NEO1: variants seen among roughly 807,000 people sequenced by gnomAD.
NEO1 encodes the protein neogenin.
In NEO1, 63 loss-of-function variants were observed where a neutral mutation model predicts 159.7. That is an observed-to-expected ratio of 0.39 (90% CI 0.32 to 0.49). The LOEUF (loss-of-function observed/expected upper bound fraction) is 0.49, where lower values mean the gene tolerates loss of function less well. Ranked by LOEUF, NEO1 falls within the 20% of genes least tolerant of loss-of-function variation. The pLI, the probability that NEO1 is intolerant of heterozygous loss-of-function variation, is 0.85. For missense variants in NEO1, 1,615 were observed against 1,831.0 expected (o/e 0.88, Z 2.15); for synonymous variants, 633 against 662.0 (o/e 0.96, Z 0.67).
chr15:73,296,233 C>A (rs936578440), intron 26 of NEO1, among the ~76,000 whole-genome samples: 2 of 152,180 alleles, frequency 1.3e-5, no homozygotes, highest in Non-Finnish European at 2.9e-5. Context: ...TCTGTCAGTA[C>A]AGGCTGACAT....
intron 15 of NEO1, among the ~76,000 whole-genome samples, chr15:73,260,933 C>G (rs1049388474): frequency 2.0e-5 from 3 of 152,068 alleles, no homozygotes; most frequent in Admixed American, 2.0e-4. Flanking sequence ...ACTTTCACTC[C>G]CTAGTTTCAG....
intron 7 of NEO1, among the ~76,000 whole-genome samples, chr15:73,185,340 G>A (rs777560436): frequency 5.9e-5 from 9 of 152,166 alleles, no homozygotes; most frequent in Admixed American, 2.6e-4. Flanking sequence ...CCACTTTAGT[G>A]GGGGATGTTG....
Position 73,303,060 on chromosome 15 carries a change from G to T in NEO1, c.*364G>T. ...ATCACCTTTATGGAGTGTAGACATTGGCATTTATGTACAATTTTATTTGTG... is the reference window on the plus strand; with the variant it reads ...ATCACCTTTATGGAGTGTAGACATTTGCATTTATGTACAATTTTATTTGTG... On this transcript the variant is annotated 3_prime_UTR_variant, in exon 29 of 29. Transcript: ENST00000261908. The T allele has an allele frequency of 5.7e-6, 1 of 175,076 alleles. No individual in the cohort carries two copies. Among genetic ancestry groups the T allele is most frequent in the East Asian group, 1.5e-4 (1 of 6,856 alleles). 10.8% of individuals were successfully genotyped at this position (175,076 alleles called of 1,614,324 possible).
intron 8 of NEO1, among the ~76,000 whole-genome samples, chr15:73,240,881 A>C (rs145808262): frequency 1.3e-5 from 2 of 152,356 alleles, no homozygotes; most frequent in Non-Finnish European, 2.9e-5. Flanking sequence ...AAGTCGTAAG[A>C]CTATATCCTG....
chr15:73,137,748 C>T (rs762245540), intron 5 of NEO1, among the ~76,000 whole-genome samples: 4 of 152,192 alleles, frequency 2.6e-5, no homozygotes, highest in East Asian at 1.9e-4. Flanking sequence ...CCACCCGCCT[C>T]GGCCTCCCAA....
At chr15:73,287,535 T>C (rs1478197930) in intron 23 of NEO1, among the ~76,000 whole-genome samples, 1 of 152,158 alleles carries the variant, frequency 6.6e-6, no homozygotes, top group Non-Finnish European at 1.5e-5. Flanking sequence ...AAGTAGACAT[T>C]GTTGTCCCCA....
intron 16 of NEO1, among the ~76,000 whole-genome samples, chr15:73,268,161 T>A (rs533830798): frequency 6.6e-6 from 1 of 152,356 alleles, no homozygotes; most frequent in South Asian, 2.1e-4. Flanking sequence ...CTGTCTTCTA[T>A]ATGCTTACAG....
chr15:73,058,433 C>A (rs950363230), intron 1 of NEO1, among the ~76,000 whole-genome samples: 1 of 152,148 alleles, frequency 6.6e-6, no homozygotes, highest in African/African-American at 2.4e-5. Context: ...GTTCTTTATT[C>A]CTCTGCATTC....
chr15:73,270,259 A>G lies in NEO1; in HGVS notation c.2718+26A>G, dbSNP rs2041109612. 7 of 1,613,670 alleles carry G rather than the reference A, an allele frequency of 4.3e-6. No individual in the cohort carries two copies. The Admixed American group carries it at 8.3e-5, about 19-fold the overall frequency. The stretch of plus-strand genomic sequence containing the variant: ...GTACTGACACATTTGCCCTGGCTGA[A>G]AAAAGCTAATCATTGATACTTTCTA... On this transcript the variant is annotated intron_variant, in intron 17 of 28. Coordinates refer to ENST00000261908, the MANE Select transcript of NEO1 (RefSeq NM_002499.4).
At chr15:73,266,179 C>A (rs1328301193) in intron 15 of NEO1, 137 bp from the exon 16 acceptor site, 12 of 628,226 alleles carry the variant, frequency 1.9e-5, no homozygotes, top group African/African-American at 1.8e-4. Context: ...CTCCCTACAA[C>A]CTGAAATAAT....
In NEO1 at chr15:73,216,759, C is replaced by T. The variant is rs550314034; in HGVS notation, c.1292-19588C>T. 9.5e-3 allele frequency among the ~76,000 whole-genome samples: 1,440 copies of T among 152,132 alleles called. 25 individuals are homozygous for T. The highest frequency in any genetic ancestry group is 0.031 in the African/African-American group (1,270 of 41,490). On this transcript the variant is annotated intron_variant, in intron 7 of 28. Coordinates refer to ENST00000261908, the MANE Select transcript of NEO1 (RefSeq NM_002499.4). ...TTGAGAAGTGTCTGTTCATGTCCTTCGCCCACTTTTTGATGGGGTTGTTTT... is the reference window on the plus strand; with the variant it reads ...TTGAGAAGTGTCTGTTCATGTCCTTTGCCCACTTTTTGATGGGGTTGTTTT...
intron 18 of NEO1, 94 bp from the exon 19 acceptor site, chr15:73,272,361 G>T: frequency 1.2e-6 from 1 of 803,832 alleles, no homozygotes; most frequent in Non-Finnish European, 2.0e-6. Context: ...TTTGCCTTGT[G>T]CCCTTTATTT....
chr15:73,200,325 A>G (rs1390925268), intron 7 of NEO1, among the ~76,000 whole-genome samples: 3 of 152,080 alleles, frequency 2.0e-5, no homozygotes, highest in Non-Finnish European at 4.4e-5. Context: ...TTACACCTAT[A>G]ATCACAGCAC....
At chr15:73,086,908 G>A (rs1337854960) in intron 1 of NEO1, among the ~76,000 whole-genome samples, 1 of 151,892 alleles carries the variant, frequency 6.6e-6, no homozygotes, top group Non-Finnish European at 1.5e-5. Flanking sequence ...CACCTGCCTC[G>A]ACCTCCCAAA....
rs181514190 is a variant in NEO1 at position 73,188,414 on chromosome 15, A to G, written c.1291+9987A>G. On this transcript the variant is annotated intron_variant, in intron 7 of 28. Transcript: ENST00000261908. ...TTTTTCTACTTGTTGTTATATCCTG[A>G]GATCTTCCTGATATCATTACAGGGG... Among the ~76,000 whole-genome samples the G allele has an allele frequency of 2.4e-4, 37 of 152,242 alleles. No homozygotes were observed. The East Asian group carries it at 7.1e-3, about 29-fold the overall frequency.
intron 5 of NEO1, among the ~76,000 whole-genome samples, chr15:73,174,766 T>C (rs2035186169): frequency 6.6e-6 from 1 of 152,166 alleles, no homozygotes; most frequent in South Asian, 2.1e-4. Context: ...ACACTCTAAT[T>C]GGAAAAACGG....
chr15:73,101,438 C>T (rs1486698006), intron 1 of NEO1, among the ~76,000 whole-genome samples: 1 of 152,196 alleles, frequency 6.6e-6, no homozygotes, highest in Non-Finnish European at 1.5e-5. Context: ...CTCTTTCCCA[C>T]TCTCTCTCTG....
At chr15:73,088,683 G>C (rs555432647) in intron 1 of NEO1, among the ~76,000 whole-genome samples, 1 of 152,146 alleles carries the variant, frequency 6.6e-6, no homozygotes, top group Admixed American at 6.5e-5. Context: ...GGAATGTACA[G>C]TTATAGTCAC....
At chr15:73,143,990 A>G (rs2032663901) in intron 5 of NEO1, among the ~76,000 whole-genome samples, 1 of 152,244 alleles carries the variant, frequency 6.6e-6, no homozygotes, top group African/African-American at 2.4e-5. Context: ...ATAGTAGGTT[A>G]TTAACGAATG....
Sources: allele counts gnomAD v4.1 joint callset (sites outside exome capture counted in the v4.1 genomes callset), GRCh38; gene constraint gnomAD v4.1.1; transcripts MANE v1.5; gene names NCBI Gene and HGNC (gene_info 2026-07-23, HGNC 2026-07-21).